The following LEPR variants were observed in gnomAD, a reference collection of about 807,000 sequenced individuals.
LEPR encodes OB receptor.
In LEPR, 56 loss-of-function variants were observed where a neutral mutation model predicts 114.7. That is an observed-to-expected ratio of 0.49 (90% CI 0.39 to 0.61). The LOEUF (loss-of-function observed/expected upper bound fraction) is 0.61, where lower values mean the gene tolerates loss of function less well. Among genes scored for constraint, LEPR ranks in the 20% least tolerant of loss-of-function variants. The probability of loss-of-function intolerance (pLI) is 0.00; values close to 1 mark genes in which losing one functional copy is unlikely to be tolerated. For synonymous variants in LEPR, 443 were observed against 461.4 expected (o/e 0.96, Z 0.51); for missense variants, 1,202 against 1,352.9 (o/e 0.89, Z 1.75).
intron 2 of LEPR, chr1:65,526,168 T>G (rs920088803): frequency 1.0e-6 from 1 of 983,478 alleles, no homozygotes; most frequent in Non-Finnish European, 1.2e-6. Flanking sequence ...CTTTGGAAAC[T>G]GAAGGGACTG....
intron 2 of LEPR, among the ~76,000 whole-genome samples, chr1:65,481,548 A>G (rs1647239684): frequency 6.6e-6 from 1 of 152,144 alleles, no homozygotes. Context: ...GTATCAGAAA[A>G]TAAAAGATAA....
At chr1:65,597,858 G>C (rs1656172714) in intron 7 of LEPR, among the ~76,000 whole-genome samples, 1 of 152,016 alleles carries the variant, frequency 6.6e-6, no homozygotes, top group Non-Finnish European at 1.5e-5. Context: ...GGCTTCTGTG[G>C]GTTTCAGCTT....
In LEPR at chr1:65,637,927, C is replaced by T. The variant is rs1658766361; in HGVS notation, c.*912C>T. ...ATGAAGACAGTAAATAATTTGCCCA[C>T]AGTTACAGTCAGTGGGTGATGGAAT... On this transcript the variant is annotated 3_prime_UTR_variant, in exon 20 of 20. Transcript: ENST00000349533. 1.3e-5 allele frequency: 2 copies of T among 152,190 alleles called. No homozygotes were observed. Among genetic ancestry groups the T allele is most frequent in the African/African-American group, 4.8e-5 (2 of 41,452 alleles). The allele number at this position is 152,190 out of a possible 1,614,324, so 9.4% of individuals were successfully genotyped here.
intron 8 of LEPR, 141 bp downstream of exon 8, chr1:65,598,945 C>A: frequency 1.6e-6 from 2 of 1,266,586 alleles, no homozygotes; most frequent in Non-Finnish European, 1.1e-6. Context: ...AAACTTTGAA[C>A]AGGCCAATTT....
intron 2 of LEPR, chr1:65,525,911 C>A: frequency 3.3e-6 from 3 of 912,064 alleles, no homozygotes; most frequent in Non-Finnish European, 3.9e-6. Flanking sequence ...GCGTGGCAGA[C>A]GCGGAGCCCC....
At chr1:65,632,163 C>G (rs1174725779) in intron 19 of LEPR, among the ~76,000 whole-genome samples, 1 of 152,120 alleles carries the variant, frequency 6.6e-6, no homozygotes, top group Non-Finnish European at 1.5e-5. Flanking sequence ...AACCCGTGGC[C>G]TCCCAGAACA....
At chr1:65,518,911 T>TTCTTTCTTTCTC (rs1553160637) in intron 2 of LEPR, among the ~76,000 whole-genome samples, 18 of 85,228 alleles carry the variant, frequency 2.1e-4, no homozygotes, top group Admixed American at 1.7e-3. Flanking sequence ...CTTTCTTTCT[T>TTCTTTCTTTCTC]TCTTTCTCTC....
At chr1:65,552,335 C>G (rs1008985623) in intron 2 of LEPR, among the ~76,000 whole-genome samples, 3 of 152,094 alleles carry the variant, frequency 2.0e-5, no homozygotes, top group Admixed American at 6.6e-5. Context: ...TATCATGTGG[C>G]AGTTTAAGTC....
intron 2 of LEPR, among the ~76,000 whole-genome samples, chr1:65,543,728 C>T (rs1455401035): frequency 6.6e-6 from 1 of 151,982 alleles, no homozygotes; most frequent in East Asian, 1.9e-4. Flanking sequence ...AATAGGGAAT[C>T]CTTTCCCCAT....
intron 1 of LEPR, among the ~76,000 whole-genome samples, chr1:65,421,898 A>C (rs897040482): frequency 1.3e-5 from 2 of 152,238 alleles, no homozygotes; most frequent in Non-Finnish European, 2.9e-5. Context: ...GAAACGGACT[A>C]AGGGAAGGAA....
chr1:65,579,038 A>G (rs982401412), intron 5 of LEPR, among the ~76,000 whole-genome samples: 1 of 152,106 alleles, frequency 6.6e-6, no homozygotes, highest in Non-Finnish European at 1.5e-5. Flanking sequence ...ATGAACCTAC[A>G]AGCCCCTGCA....
Position 65,425,364 on chromosome 1 carries a change from C to G in LEPR, c.-35C>G. 1 of 1,602,710 alleles carries G rather than the reference C, an allele frequency of 6.2e-7. No individual in the cohort carries two copies. Among genetic ancestry groups the G allele is most frequent in the Non-Finnish European group, 8.5e-7 (1 of 1,177,178 alleles). ...TGACTTTTCTTATGCTGGGATGTGCCTTAGAGGATTATGGGTAAGTTATCA... is the reference window on the plus strand; with the variant it reads ...TGACTTTTCTTATGCTGGGATGTGCGTTAGAGGATTATGGGTAAGTTATCA... On this transcript the variant is annotated 5_prime_UTR_variant, in exon 2 of 20. Transcript: ENST00000349533.
intron 2 of LEPR, among the ~76,000 whole-genome samples, chr1:65,449,308 A>C (rs868169458): frequency 2.1e-5 from 3 of 145,776 alleles, no homozygotes; most frequent in Admixed American, 6.9e-5. Context: ...AAAAAAGAGC[A>C]ATTGAATTGT....
intron 1 of LEPR, among the ~76,000 whole-genome samples, chr1:65,422,643 G>A (rs1203308545): frequency 3.3e-5 from 5 of 152,240 alleles, no homozygotes; most frequent in African/African-American, 1.2e-4. Flanking sequence ...GGCAAGGCAT[G>A]GAGTGAAGGT....
intron 2 of LEPR, among the ~76,000 whole-genome samples, chr1:65,533,559 T>A (rs1370338685): frequency 6.6e-6 from 1 of 152,182 alleles, no homozygotes; most frequent in Non-Finnish European, 1.5e-5. Context: ...CGATTAAATG[T>A]TTTATTCTAA....
At chr1:65,525,800 G>A in intron 2 of LEPR, 10 of 986,106 alleles carry the variant, frequency 1.0e-5, no homozygotes, top group Non-Finnish European at 1.2e-5. Flanking sequence ...CTTCGGTCGA[G>A]TTGGACCCCC....
At chr1:65,579,840 T>C (rs535395233) in intron 5 of LEPR, among the ~76,000 whole-genome samples, 1 of 152,304 alleles carries the variant, frequency 6.6e-6, no homozygotes, top group East Asian at 1.9e-4. Flanking sequence ...TTTCAGAGCA[T>C]TATAAATTTG....
At chr1:65,456,577 C>A (rs75531805) in intron 2 of LEPR, among the ~76,000 whole-genome samples, 1 of 152,116 alleles carries the variant, frequency 6.6e-6, no homozygotes, top group Non-Finnish European at 1.5e-5. Context: ...CTCTTTGTCC[C>A]TGATAACTAT....
rs567421730 is a variant in LEPR at position 65,615,995 on chromosome 1, A to G, written c.1996-13A>G. On this transcript the variant is annotated splice_polypyrimidine_tract_variant and intron_variant, in intron 14 of 19. Transcript: ENST00000349533. ...GCAGCCCTTAAACTAATCAATTTCT[A>G]TATTTACTACAGCCCCTGATGAAAA... The G allele has an allele frequency of 5.5e-5, 89 of 1,614,048 alleles. No homozygotes were observed. In the South Asian group the frequency reaches 8.3e-4, roughly 15 times the overall value.
Sources: allele counts gnomAD v4.1 joint callset (sites outside exome capture counted in the v4.1 genomes callset), GRCh38; gene constraint gnomAD v4.1.1; transcripts MANE v1.5; gene names NCBI Gene and HGNC (gene_info 2026-07-23, HGNC 2026-07-21).